GRM5: variants seen among roughly 807,000 people sequenced by gnomAD.
GRM5 encodes metabotropic glutamate receptor 5.
In GRM5, 19 loss-of-function variants were observed where a neutral mutation model predicts 83.1. The observed-to-expected ratio is 0.23, with a 90% CI of 0.16 to 0.34. The LOEUF is 0.34. Among genes scored for constraint, GRM5 ranks in the 10% least tolerant of loss-of-function variants. The pLI is 1.00. For synonymous variants in GRM5, 675 were observed against 633.6 expected, an observed-to-expected ratio of 1.07 and a Z score of -0.98; for missense variants, 1,160 against 1,588.3, an observed-to-expected ratio of 0.73 and a Z score of 4.58.
intron 8 of GRM5, among the ~76,000 whole-genome samples, chr11:88,533,738 C>A (rs1387610729): frequency 4.6e-5 from 7 of 152,006 alleles, no homozygotes. Context: ...TAATGAGGAG[C>A]CAAATGTTAA....
At chr11:89,049,903 A>G (rs1191163228) in intron 1 of GRM5, among the ~76,000 whole-genome samples, 1 of 152,124 alleles carries the variant, frequency 6.6e-6, no homozygotes, top group Non-Finnish European at 1.5e-5. Context: ...AATTATTCTC[A>G]TGGTCATGTG....
At chr11:88,565,021 C>A (rs1485088406) in intron 8 of GRM5, among the ~76,000 whole-genome samples, 2 of 152,086 alleles carry the variant, frequency 1.3e-5, no homozygotes, top group Non-Finnish European at 2.9e-5. Context: ...ATCAAAATAG[C>A]AAATACTTAA....
chr11:88,973,860 C>A (rs1939243106), intron 2 of GRM5, among the ~76,000 whole-genome samples: 1 of 152,026 alleles, frequency 6.6e-6, no homozygotes, highest in Non-Finnish European at 1.5e-5. Context: ...TATATTTTTT[C>A]AATTTCTATG....
chr11:88,754,446 A>G (rs931270994), intron 3 of GRM5, among the ~76,000 whole-genome samples: 9 of 152,172 alleles, frequency 5.9e-5, no homozygotes, highest in Admixed American at 3.3e-4. Flanking sequence ...AAGTTGAAGA[A>G]GAAAATTAAT....
chr11:89,012,676 A>G (rs1940736928), intron 2 of GRM5, among the ~76,000 whole-genome samples: 1 of 152,238 alleles, frequency 6.6e-6, no homozygotes. Context: ...AAGGAGACAT[A>G]GACTTAAAGC....
chr11:89,043,996 C>T (rs1941587900), intron 2 of GRM5, among the ~76,000 whole-genome samples: 1 of 152,120 alleles, frequency 6.6e-6, no homozygotes. Context: ...ATTATCAAGT[C>T]AAAAGCAAAT....
Position 89,047,429 on chromosome 11 carries a change from C to T in GRM5, c.444G>A (p.Gly148=). Reference sequence around the variant, plus strand: ...GAATGGCTACAGAACTGGAGCCAGGCCCAATGACCCCTACTATGGGCTTCT... The same window carrying T: ...GAATGGCTACAGAACTGGAGCCAGGTCCAATGACCCCTACTATGGGCTTCT... ...RSKKPIVGVI[G]PGSSSVAIQV... Residue 148 remains glycine, a synonymous_variant, in exon 2 of 10, where the codon GGG becomes GGA. Transcript: ENST00000305447. This position sits in a 1 kb window ranked among gnomAD's most constrained non-coding sequence, Gnocchi z 5.1. 2 of 1,613,992 alleles carry T rather than the reference C, an allele frequency of 1.2e-6. No homozygotes were observed. The highest frequency in any genetic ancestry group is 1.7e-6 in the Non-Finnish European group (2 of 1,179,894).
intron 3 of GRM5, among the ~76,000 whole-genome samples, chr11:88,660,033 A>G (rs147828679): frequency 6.6e-6 from 1 of 152,328 alleles, no homozygotes; most frequent in Admixed American, 6.5e-5. Flanking sequence ...AATTCACTAA[A>G]CATTTGAATG....
At chr11:88,519,579 A>G (rs1941623853) in intron 9 of GRM5, among the ~76,000 whole-genome samples, 1 of 152,184 alleles carries the variant, frequency 6.6e-6, no homozygotes, top group African/African-American at 2.4e-5. Context: ...TCATGTATCT[A>G]AGTACTCAAT....
chr11:88,696,915 G>T (rs1377865319), intron 3 of GRM5, among the ~76,000 whole-genome samples: 1 of 152,146 alleles, frequency 6.6e-6, no homozygotes, highest in African/African-American at 2.4e-5. Context: ...GATTTTAAAA[G>T]AATCTTTGGA....
intron 2 of GRM5, among the ~76,000 whole-genome samples, chr11:88,957,228 A>G (rs1332756386): frequency 6.6e-6 from 1 of 152,222 alleles, no homozygotes; most frequent in Non-Finnish European, 1.5e-5. Flanking sequence ...ATGAAAAAAC[A>G]CATCCTCAGA....
intron 2 of GRM5, among the ~76,000 whole-genome samples, chr11:88,890,131 A>ATCCCCACATCCCCACG (rs1300771033): frequency 6.6e-6 from 1 of 151,578 alleles, no homozygotes; most frequent in African/African-American, 2.4e-5. Context: ...ACATCCCCAC[A>ATCCCCACATCCCCACG]TCCCCACCCC....
Position 88,565,259 on chromosome 11 carries a change from A to G in GRM5, c.2630+1794T>C, listed in dbSNP as rs560408684. 6.7e-4 allele frequency among the ~76,000 whole-genome samples: 102 copies of G among 152,352 alleles called. 1 individual carries two copies. The highest frequency in any genetic ancestry group is 3.4e-3 in the Middle Eastern group (1 of 294). On this transcript the variant is annotated intron_variant, in intron 8 of 9. Coordinates refer to ENST00000305447, the MANE Select transcript of GRM5 (RefSeq NM_001143831.3). ...CTGTGCTACCTTCAATAAAGTGCCT[A>G]CTATGTGCCAGCCATTACACATATT...
At chr11:88,667,107 A>T (rs1330433686) in intron 3 of GRM5, among the ~76,000 whole-genome samples, 1 of 152,222 alleles carries the variant, frequency 6.6e-6, no homozygotes, top group Non-Finnish European at 1.5e-5. Context: ...CTAAACATTT[A>T]AAAATTTAAG....
chr11:88,666,513 A>G (rs1474951358), intron 3 of GRM5, among the ~76,000 whole-genome samples: 3 of 152,214 alleles, frequency 2.0e-5, no homozygotes, highest in Non-Finnish European at 1.5e-5. Flanking sequence ...CAAGCCATTG[A>G]TGAGGGATCT....
intron 9 of GRM5, among the ~76,000 whole-genome samples, chr11:88,513,598 T>A (rs1180871524): frequency 7.2e-5 from 11 of 152,120 alleles, no homozygotes; most frequent in Admixed American, 6.5e-4. Flanking sequence ...CATATCTGTC[T>A]TAGTAAAATT....
intron 8 of GRM5, among the ~76,000 whole-genome samples, chr11:88,545,166 A>T (rs1176346392): frequency 6.6e-6 from 1 of 152,116 alleles, no homozygotes; most frequent in Admixed American, 6.6e-5. Context: ...CTGTCATGCT[A>T]TCACTTGTAT....
At chr11:89,053,860 T>C (rs1941814098) in intron 1 of GRM5, among the ~76,000 whole-genome samples, 1 of 152,074 alleles carries the variant, frequency 6.6e-6, no homozygotes, top group Non-Finnish European at 1.5e-5. Context: ...AGGTAAAGGA[T>C]AAAGCAAATA....
chr11:88,963,465 T>C (rs1354261092), intron 2 of GRM5, among the ~76,000 whole-genome samples: 1 of 152,212 alleles, frequency 6.6e-6, no homozygotes, highest in Non-Finnish European at 1.5e-5. Context: ...CTGTGTTATG[T>C]TTCAAAAGGA....
Sources: gnomAD v4.1 joint callset for allele counts (sites outside exome capture counted in the v4.1 genomes callset) on GRCh38, gnomAD v4.1.1 for gene constraint, Gnocchi (gnomAD v3.1) non-coding constraint, MANE v1.5 for transcripts, NCBI Gene and HGNC (gene_info 2026-07-23, HGNC 2026-07-21) for gene names.